The following KIRREL3 variants were observed in gnomAD, a reference collection of about 807,000 sequenced individuals.
KIRREL3 encodes kirre like nephrin family adhesion molecule 3, also known as kin of IRRE-like protein 3.
Under a neutral mutation model 89.7 loss-of-function variants are expected in KIRREL3, and 36 were observed. The observed-to-expected ratio is 0.40, with a 90% CI of 0.31 to 0.53. KIRREL3 has a LOEUF of 0.53. Among genes scored for constraint, KIRREL3 ranks in the 20% least tolerant of loss-of-function variants. The probability of loss-of-function intolerance (pLI) is 0.49; values close to 1 mark genes in which losing one functional copy is unlikely to be tolerated. For synonymous variants in KIRREL3, 445 were observed against 441.4 expected, an observed-to-expected ratio of 1.01 and a Z score of -0.10; for missense variants, 864 against 1,056.6, an observed-to-expected ratio of 0.82 and a Z score of 2.53.
chr11:126,638,828 C>G (rs1381414868), intron 1 of KIRREL3, among the ~76,000 whole-genome samples: 1 of 152,106 alleles, frequency 6.6e-6, no homozygotes, highest in Non-Finnish European at 1.5e-5. Context: ...TCTTCAAAAG[C>G]CGGCTAATGA....
At position 126,897,260 on chromosome 11, in the gene KIRREL3, G is replaced by C. The variant is rs1177178799; in HGVS notation, c.55+103195C>G. On this transcript the variant is annotated intron_variant, in intron 1 of 16. Transcript: ENST00000525144. This position sits in a 1 kb window ranked among gnomAD's most constrained non-coding sequence, Gnocchi z 4.2. Reference sequence around the variant, plus strand: ...CTGAGTGTTTTCCCAGGCTGGCGGGGAATCTCATGAGGAGGAGATCAGTCC... The same window carrying C: ...CTGAGTGTTTTCCCAGGCTGGCGGGCAATCTCATGAGGAGGAGATCAGTCC... 6.6e-6 allele frequency among the ~76,000 whole-genome samples: 1 copy of C among 152,102 alleles called. No homozygotes were observed. The highest frequency in any genetic ancestry group is 1.5e-5 in the Non-Finnish European group (1 of 68,008).
At position 126,571,050 on chromosome 11, in the gene KIRREL3, G is replaced by T. The variant is rs1289429770; in HGVS notation, c.56-8138C>A. Among the ~76,000 whole-genome samples the T allele has an allele frequency of 6.6e-6, 1 of 152,212 alleles. No individual in the cohort carries two copies. The highest frequency in any genetic ancestry group is 1.9e-4 in the East Asian group (1 of 5,198). Reference sequence around the variant, plus strand: ...GGAGTTTGTCCTGAGTCCCACAGCTGGCAAATGGTGAGGCTTGCCGTACAC... The same window carrying T: ...GGAGTTTGTCCTGAGTCCCACAGCTTGCAAATGGTGAGGCTTGCCGTACAC... On this transcript the variant is annotated intron_variant, in intron 1 of 16. Transcript: ENST00000525144. The surrounding 1 kb of genome is among the most constrained non-coding windows in gnomAD (Gnocchi z 7.7).
In KIRREL3 at chr11:126,611,868, T is replaced by C. The variant is rs1302596605; in HGVS notation, c.56-48956A>G. 6.6e-6 allele frequency among the ~76,000 whole-genome samples: 1 copy of C among 152,172 alleles called. No individual in the cohort carries two copies. Among genetic ancestry groups the C allele is most frequent in the Non-Finnish European group, 1.5e-5 (1 of 68,032 alleles). Reference sequence around the variant, plus strand: ...CACCAGATTCTTAATCAACTGTAGGTGCTACTGTCGCTCTAGGACCTGCCG... The same window carrying C: ...CACCAGATTCTTAATCAACTGTAGGCGCTACTGTCGCTCTAGGACCTGCCG... On this transcript the variant is annotated intron_variant, in intron 1 of 16. Transcript: ENST00000525144. The surrounding 1 kb of genome is among the most constrained non-coding windows in gnomAD (Gnocchi z 4.7).
chr11:126,440,084 C>G, intron 11 of KIRREL3: 1 of 440,046 alleles, frequency 2.3e-6, no homozygotes, highest in South Asian at 1.9e-5. Context: ...CCAACTATTA[C>G]CTGCGCTCTA....
intron 1 of KIRREL3, among the ~76,000 whole-genome samples, chr11:126,923,164 C>T (rs1947450857): frequency 4.2e-5 from 1 of 23,760 alleles, no homozygotes; most frequent in African/African-American, 2.5e-4. Flanking sequence ...TCTTCTTCTT[C>T]TTCTTCTTCT....
In KIRREL3 at chr11:126,812,551, C is replaced by G. The variant is rs1011181950; in HGVS notation, c.55+187904G>C. On this transcript the variant is annotated intron_variant, in intron 1 of 16. Coordinates refer to ENST00000525144, the MANE Select transcript of KIRREL3 (RefSeq NM_032531.4). The surrounding 1 kb of genome is among the most constrained non-coding windows in gnomAD (Gnocchi z 5.2). ...AGTACTCCGCACGGTGTCTGGCACA[C>G]AGTAGGCACTTCACAAATGCTAACA... is the stretch of plus-strand genomic sequence containing the variant. 3.9e-5 allele frequency among the ~76,000 whole-genome samples: 6 copies of G among 152,174 alleles called. No homozygotes were observed. Among genetic ancestry groups the G allele is most frequent in the Non-Finnish European group, 7.3e-5 (5 of 68,038 alleles).
At chr11:126,850,597 T>C (rs1944308406) in intron 1 of KIRREL3, among the ~76,000 whole-genome samples, 1 of 152,158 alleles carries the variant, frequency 6.6e-6, no homozygotes, top group Admixed American at 6.5e-5. Flanking sequence ...CATGAGCTAA[T>C]CATAAAAACC....
rs1313312916 is a variant in KIRREL3, at chr11:126,769,151, G to A, written c.56-206239C>T. Among the ~76,000 whole-genome samples the A allele has an allele frequency of 6.6e-6, 1 of 152,076 alleles. No homozygotes were observed. Among genetic ancestry groups the A allele is most frequent in the African/African-American group, 2.4e-5 (1 of 41,384 alleles). ...TGTGAGGCTTCCCCTCTTCCCACAG[G>A]TCCCATCTCTGCCAGTCACTGCTTT... On this transcript the variant is annotated intron_variant, in intron 1 of 16. Coordinates refer to ENST00000525144, the MANE Select transcript of KIRREL3 (RefSeq NM_032531.4). This position sits in a 1 kb window ranked among gnomAD's most constrained non-coding sequence, Gnocchi z 4.3.
intron 2 of KIRREL3, among the ~76,000 whole-genome samples, chr11:126,529,103 G>T (rs1317410): frequency 0.43 from 65,036 of 151,962 alleles, 14,681 homozygotes; most frequent in East Asian, 0.85. Flanking sequence ...TTATTAGGAA[G>T]CACCCACAGT....
chr11:126,712,881 G>T (rs1406263946), intron 1 of KIRREL3, among the ~76,000 whole-genome samples: 1 of 152,194 alleles, frequency 6.6e-6, no homozygotes, highest in African/African-American at 2.4e-5. Flanking sequence ...GGTGTCCAAG[G>T]CTTTTTGGTC....
chr11:126,468,770 C>T (rs1956800789), intron 5 of KIRREL3, among the ~76,000 whole-genome samples: 1 of 152,238 alleles, frequency 6.6e-6, no homozygotes, highest in Non-Finnish European at 1.5e-5. Flanking sequence ...GCTTCTGATG[C>T]ATAATTTCTT....
rs1263878060 is a variant in KIRREL3 at position 126,651,626 on chromosome 11, T to G, written c.56-88714A>C. ...GGGATTTATCAGGTTTGATTATAGA[T>G]GCATAATGAATTTACCAAATTTGTG... On this transcript the variant is annotated intron_variant, in intron 1 of 16. Transcript: ENST00000525144. This position sits in a 1 kb window ranked among gnomAD's most constrained non-coding sequence, Gnocchi z 4.6. Among the ~76,000 whole-genome samples the G allele has an allele frequency of 1.3e-5, 2 of 152,248 alleles. No individual in the cohort carries two copies. Among genetic ancestry groups the G allele is most frequent in the Admixed American group, 6.5e-5 (1 of 15,282 alleles).
Position 126,455,412 on chromosome 11 carries a change from C to T in KIRREL3, c.848+937G>A, listed in dbSNP as rs1956304368. ...GTGGTTTATGCCATGTGCTGTGCTG[C>T]ATGCTGAGAGCCATCAGTGACTAAA... On this transcript the variant is annotated intron_variant, in intron 7 of 16. Transcript: ENST00000525144. The surrounding 1 kb of genome is among the most constrained non-coding windows in gnomAD (Gnocchi z 6.4). Among the ~76,000 whole-genome samples the T allele has an allele frequency of 1.3e-5, 2 of 152,242 alleles. No individual in the cohort carries two copies.
Position 126,872,883 on chromosome 11 carries a change from C to T in KIRREL3, c.55+127572G>A, listed in dbSNP as rs527697152. ...GCAGGCCTCCTGGGCATCTAAGTGA[C>T]GGCCACTGTTCACCAGCTGTGCCGA... is the stretch of plus-strand genomic sequence containing the variant. On this transcript the variant is annotated intron_variant, in intron 1 of 16. Coordinates refer to ENST00000525144, the MANE Select transcript of KIRREL3 (RefSeq NM_032531.4). This position sits in a 1 kb window ranked among gnomAD's most constrained non-coding sequence, Gnocchi z 4.2. Among the ~76,000 whole-genome samples the T allele has an allele frequency of 8.9e-4, 136 of 152,298 alleles. No individual in the cohort carries two copies. The highest frequency in any genetic ancestry group is 1.5e-3 in the Non-Finnish European group (101 of 68,028).
chr11:126,663,924 T>C (rs1320085421), intron 1 of KIRREL3, among the ~76,000 whole-genome samples: 1 of 152,228 alleles, frequency 6.6e-6, no homozygotes, highest in Non-Finnish European at 1.5e-5. Flanking sequence ...GCCACCCCAG[T>C]CCTGTAAAGC....
intron 4 of KIRREL3, among the ~76,000 whole-genome samples, chr11:126,494,612 T>C (rs2134347363): frequency 6.6e-6 from 1 of 152,358 alleles, no homozygotes; most frequent in African/African-American, 2.4e-5. Context: ...ACCCTTTACA[T>C]TTTGTGCCTG....
chr11:126,520,090 G>T lies in KIRREL3; in HGVS notation c.433+1225C>A, dbSNP rs529316692. On this transcript the variant is annotated intron_variant, in intron 4 of 16. Transcript: ENST00000525144. This position sits in a 1 kb window ranked among gnomAD's most constrained non-coding sequence, Gnocchi z 4.9. ...CGAGCTTGGTAAGTGGTCCTCCGGG[G>T]CCTGTCTGCTGCACTGCTTGGAATA... Among the ~76,000 whole-genome samples the T allele has an allele frequency of 6.6e-6, 1 of 152,314 alleles. No individual in the cohort carries two copies. The highest frequency in any genetic ancestry group is 2.1e-4 in the South Asian group (1 of 4,818).
chr11:126,541,330 C>A lies in KIRREL3; in HGVS notation c.134-14643G>T, dbSNP rs1355452827. ...ACTCAGATGCCTTATCTGTAAAATGCAAGGTTTAAGCGCCTTCCTCCCAAC... is the reference window on the plus strand; with the variant it reads ...ACTCAGATGCCTTATCTGTAAAATGAAAGGTTTAAGCGCCTTCCTCCCAAC... On this transcript the variant is annotated intron_variant, in intron 2 of 16. Coordinates refer to ENST00000525144, the MANE Select transcript of KIRREL3 (RefSeq NM_032531.4). This position sits in a 1 kb window ranked among gnomAD's most constrained non-coding sequence, Gnocchi z 4.8. 6.6e-6 allele frequency among the ~76,000 whole-genome samples: 1 copy of A among 152,104 alleles called. No individual in the cohort carries two copies. Among genetic ancestry groups the A allele is most frequent in the Admixed American group, 6.6e-5 (1 of 15,262 alleles).
intron 1 of KIRREL3, among the ~76,000 whole-genome samples, chr11:126,774,310 A>T (rs1565720613): frequency 2.0e-5 from 3 of 151,720 alleles, no homozygotes; most frequent in African/African-American, 7.3e-5. Context: ...GGGGGAAAGA[A>T]CTCCGAGTCC....
Sources: allele counts gnomAD v4.1 joint callset (sites outside exome capture counted in the v4.1 genomes callset), GRCh38; gene constraint gnomAD v4.1.1; non-coding constraint Gnocchi (gnomAD v3.1); transcripts MANE v1.5; gene names NCBI Gene and HGNC (gene_info 2026-07-23, HGNC 2026-07-21).